The following GLS variants were observed in gnomAD, a reference collection of about 807,000 sequenced individuals.
GLS encodes glutaminase kidney isoform, mitochondrial.
In GLS, 36 loss-of-function variants were observed where a neutral mutation model predicts 86.7. That is an observed-to-expected ratio of 0.42 (90% CI 0.32 to 0.55). The LOEUF (loss-of-function observed/expected upper bound fraction) is 0.55. GLS is among the 20% of genes least tolerant of loss of function. The probability of loss-of-function intolerance (pLI) is 0.17; values close to 1 mark genes in which losing one functional copy is unlikely to be tolerated. For synonymous variants in GLS, 317 were observed against 305.9 expected (o/e 1.04, Z -0.38); for missense variants, 528 against 833.4 (o/e 0.63, Z 4.51).
intron 5 of GLS, among the ~76,000 whole-genome samples, chr2:190,903,973 A>G (rs952847988): frequency 2.0e-5 from 3 of 152,308 alleles, no homozygotes; most frequent in African/African-American, 4.8e-5. Context: ...AGCTTACATT[A>G]TAATTGGGTT....
chr2:190,898,506 A>G (rs1688826231), intron 3 of GLS, among the ~76,000 whole-genome samples: 1 of 152,220 alleles, frequency 6.6e-6, no homozygotes. Context: ...TACTCTCCTG[A>G]GAGGCAAAAT....
At chr2:190,902,871 T>C (rs193220430) in intron 5 of GLS, among the ~76,000 whole-genome samples, 14 of 152,302 alleles carry the variant, frequency 9.2e-5, no homozygotes, top group Admixed American at 8.5e-4. Flanking sequence ...TATTTCTGTT[T>C]TATCAAAATA....
Position 190,924,047 on chromosome 2 carries a change from T to G in GLS, c.1197+64T>G, listed in dbSNP as rs1689825701. The G allele has an allele frequency of 1.2e-6, 1 of 860,548 alleles. No homozygotes were observed. The allele number at this position is 860,548 out of a possible 1,614,324, so 53.3% of individuals were successfully genotyped here. ...ATTTAATAAAATACATGAAGATGTA[T>G]GCTAAGAATTCAACAATAGCCTTTA... On this transcript the variant is annotated intron_variant, in intron 10 of 17. Transcript: ENST00000320717. This position sits in a 1 kb window ranked among gnomAD's most constrained non-coding sequence, Gnocchi z 5.2.
chr2:190,901,163 A>G (rs1688926841), intron 4 of GLS, among the ~76,000 whole-genome samples: 1 of 152,080 alleles, frequency 6.6e-6, no homozygotes, highest in South Asian at 2.1e-4. Flanking sequence ...CCAAACCCAC[A>G]CGCAGTCAAA....
chr2:190,880,890 AGC>A lies in GLS; in HGVS notation c.-194_-193del. 1 of 478,736 alleles carries A rather than the reference AGC, an allele frequency of 2.1e-6. No individual in the cohort carries two copies. Among genetic ancestry groups the A allele is most frequent in the African/African-American group, 3.3e-5 (1 of 29,882 alleles). 29.7% of individuals were successfully genotyped at this position (478,736 alleles called of 1,614,324 possible). A position where few individuals can be genotyped will look rare whatever the true frequency, so the allele number is the denominator to read the frequency against. On this transcript the variant is annotated 5_prime_UTR_variant, in exon 1 of 18. Transcript: ENST00000320717. The stretch of plus-strand genomic sequence containing the variant: ...CCTAGCGCGCAGCAGCAGCAGCAGC[AGC>A]AGCAGCAGCAGCAGCAGCAGCAGCA...
chr2:190,886,959 A>G (rs954262024), intron 1 of GLS, among the ~76,000 whole-genome samples: 2 of 151,842 alleles, frequency 1.3e-5, no homozygotes, highest in Admixed American at 1.3e-4. Context: ...AGGCTGTACT[A>G]CTTCCTTCTT....
At chr2:190,908,697 G>A (rs1003748756) in intron 6 of GLS, among the ~76,000 whole-genome samples, 1 of 152,212 alleles carries the variant, frequency 6.6e-6, no homozygotes, top group African/African-American at 2.4e-5. Context: ...CTTAGGCCGA[G>A]GTTTTATACT....
intron 9 of GLS, among the ~76,000 whole-genome samples, chr2:190,922,308 CAGTTTTAGCATGTATACT>C (rs1214497067): frequency 1.3e-5 from 2 of 152,122 alleles, no homozygotes; most frequent in African/African-American, 4.8e-5. Context: ...TTATGTTAAA[CAGTTTTAGCATGTATACT>C]ACTATTTTAT....
At chr2:190,945,492 C>A (rs1392608149) in intron 14 of GLS, among the ~76,000 whole-genome samples, 3 of 151,372 alleles carry the variant, frequency 2.0e-5, no homozygotes, top group Admixed American at 1.3e-4. Flanking sequence ...GAGACCCCGT[C>A]TCTACAAAAA....
In GLS at chr2:190,905,889, G is replaced by A. The variant is rs1029286949; in HGVS notation, c.979+722G>A. 2.0e-5 allele frequency among the ~76,000 whole-genome samples: 3 copies of A among 152,028 alleles called. No individual in the cohort carries two copies. Among genetic ancestry groups the A allele is most frequent in the Non-Finnish European group, 1.5e-5 (1 of 67,950 alleles). On this transcript the variant is annotated intron_variant, in intron 6 of 17. Transcript: ENST00000320717. This position sits in a 1 kb window ranked among gnomAD's most constrained non-coding sequence, Gnocchi z 4.6. Reference sequence around the variant, plus strand: ...GATTGATGAGTTAAGATATAGAATTGAAGAAAGTGAGAGCGAAGTTTGTAG... The same window carrying A: ...GATTGATGAGTTAAGATATAGAATTAAAGAAAGTGAGAGCGAAGTTTGTAG...
chr2:190,894,515 T>G (rs1238236069), intron 1 of GLS, among the ~76,000 whole-genome samples: 2 of 152,168 alleles, frequency 1.3e-5, no homozygotes, highest in African/African-American at 4.8e-5. Flanking sequence ...TTGAATGTAT[T>G]GAGTCAACTG....
Position 190,914,200 on chromosome 2 carries a change from C to G in GLS, c.1038+3879C>G, listed in dbSNP as rs924957602. On this transcript the variant is annotated intron_variant, in intron 7 of 17. Transcript: ENST00000320717. This position sits in a 1 kb window ranked among gnomAD's most constrained non-coding sequence, Gnocchi z 4.4. ...AAAAATTAGGGTTTTTTTTCTTTCT[C>G]TTTAAACAATTTGTAATCATACTCA... 2.0e-5 allele frequency among the ~76,000 whole-genome samples: 3 copies of G among 151,670 alleles called. No homozygotes were observed. Among genetic ancestry groups the G allele is most frequent in the African/African-American group, 7.3e-5 (3 of 41,264 alleles).
rs781028177 is a variant in GLS, at chr2:190,947,075, A to G, written c.1651-6490A>G. Among the ~76,000 whole-genome samples the G allele has an allele frequency of 5.9e-5, 9 of 152,228 alleles. No homozygotes were observed. Among genetic ancestry groups the G allele is most frequent in the Non-Finnish European group, 1.2e-4 (8 of 68,030 alleles). ...TGAATGTTTTAGGGTCATCCACTAT[A>G]TAAATACAGAGTAATGTGAGTATAT... On this transcript the variant is annotated intron_variant, in intron 14 of 17. Transcript: ENST00000320717. The surrounding 1 kb of genome is among the most constrained non-coding windows in gnomAD (Gnocchi z 5.0).
intron 17 of GLS, among the ~76,000 whole-genome samples, chr2:190,957,065 C>T (rs748229890): frequency 2.0e-5 from 3 of 151,892 alleles, no homozygotes; most frequent in Non-Finnish European, 4.4e-5. Context: ...GACAATTTGA[C>T]TTCCTCTCTT....
At position 190,954,726 on chromosome 2, in the gene GLS, G is replaced by T. The variant is rs773155639; in HGVS notation, c.1790-29G>T. The T allele has an allele frequency of 3.7e-6, 6 of 1,613,342 alleles. No individual in the cohort carries two copies. Among genetic ancestry groups the T allele is most frequent in the Non-Finnish European group, 5.1e-6 (6 of 1,179,430 alleles). On this transcript the variant is annotated intron_variant, in intron 16 of 17. Coordinates refer to ENST00000320717, the MANE Select transcript of GLS (RefSeq NM_014905.5). The surrounding 1 kb of genome is among the most constrained non-coding windows in gnomAD (Gnocchi z 4.0). The stretch of plus-strand genomic sequence containing the variant: ...TAATTTCTACTTAGTACTAAAATCT[G>T]CTCTTTTTTTGGGGGTGGGACGGTA...
intron 1 of GLS, among the ~76,000 whole-genome samples, chr2:190,884,804 A>C (rs1367500040): frequency 4.6e-5 from 7 of 152,198 alleles, no homozygotes; most frequent in African/African-American, 1.7e-4. Context: ...CTGTTAAAAC[A>C]ACAATGAGGT....
Position 190,880,905 on chromosome 2 carries a change from A to AGCG in GLS, c.-178_-177insGGC. 1.3e-6 allele frequency: 1 copy of AGCG among 793,822 alleles called. No individual in the cohort carries two copies. The highest frequency in any genetic ancestry group is 1.9e-6 in the Non-Finnish European group (1 of 518,008). The allele number at this position is 793,822 out of a possible 1,614,324, so 49.2% of individuals were successfully genotyped here. A position where few individuals can be genotyped will look rare whatever the true frequency, so the allele number is the denominator to read the frequency against. ...CAGCAGCAGCAGCAGCAGCAGCAGC[A>AGCG]GCAGCAGCAGCAGCACCCGCATCCG... On this transcript the variant is annotated 5_prime_UTR_variant, in exon 1 of 18. Coordinates refer to ENST00000320717, the MANE Select transcript of GLS (RefSeq NM_014905.5).
intron 7 of GLS, among the ~76,000 whole-genome samples, chr2:190,915,360 G>T (rs1053941332): frequency 6.6e-5 from 10 of 151,916 alleles, no homozygotes; most frequent in African/African-American, 2.4e-4. Flanking sequence ...ACCCATATGG[G>T]TTTGTTTTTT....
rs1690332509 is a variant in GLS at position 190,938,280 on chromosome 2, G to T, written c.1650+6643G>T. 2.0e-5 allele frequency among the ~76,000 whole-genome samples: 3 copies of T among 151,518 alleles called. No individual in the cohort carries two copies. The highest frequency in any genetic ancestry group is 1.9e-4 in the East Asian group (1 of 5,180). ...TATTTGGAAGGCTTAGCTTTTGAAA[G>T]AAAAAATTCTTACCCAAAGTAGTTT... is the stretch of plus-strand genomic sequence containing the variant. On this transcript the variant is annotated intron_variant, in intron 14 of 17. Transcript: ENST00000320717. This position sits in a 1 kb window ranked among gnomAD's most constrained non-coding sequence, Gnocchi z 4.1.
Sources: gnomAD v4.1 joint callset for allele counts (sites outside exome capture counted in the v4.1 genomes callset) on GRCh38, gnomAD v4.1.1 for gene constraint, Gnocchi (gnomAD v3.1) non-coding constraint, MANE v1.5 for transcripts, NCBI Gene and HGNC (gene_info 2026-07-23, HGNC 2026-07-21) for gene names.